GLE1: variants seen among roughly 807,000 people sequenced by gnomAD.
GLE1 encodes GLE1 RNA export mediator.
A neutral mutation model predicts 97.3 loss-of-function variants in GLE1; 78 were observed. The ratio of observed to expected loss-of-function variants is 0.80; its 90% confidence interval spans 0.67 to 0.97. GLE1 has a LOEUF of 0.97. Ranked by LOEUF, GLE1 falls within the 50% of genes least tolerant of loss-of-function variation. GLE1 has a pLI of 0.00. For synonymous variants in GLE1, 302 were observed against 313.4 expected, an observed-to-expected ratio of 0.96 and a Z score of 0.39; for missense variants, 753 against 857.5, an observed-to-expected ratio of 0.88 and a Z score of 1.52.
chr9:128,539,781 G>A, intron 14 of GLE1, 83 bp downstream of exon 14: 1 of 1,608,942 alleles, frequency 6.2e-7, no homozygotes, highest in Admixed American at 1.7e-5. Flanking sequence ...ATTACCTGCT[G>A]GTTTTGATTC....
Position 128,527,415 on chromosome 9 carries a change from G to A in GLE1, c.1243-41G>A, listed in dbSNP as rs534979986. The A allele has an allele frequency of 5.9e-4, 856 of 1,445,992 alleles. 12 individuals are homozygous for A. In the South Asian group the frequency reaches 9.4e-3, roughly 16 times the overall value. 89.6% of individuals were successfully genotyped at this position (1,445,992 alleles called of 1,614,324 possible). ...CCTGATTCTAAGTGACATCTACTCA[G>A]CTCTTCAGAACACTGCTTTCTCACT... On this transcript the variant is annotated intron_variant, in intron 8 of 15. Transcript: ENST00000309971.
chr9:128,511,433 T>C lies in GLE1; in HGVS notation c.321+2336T>C, dbSNP rs983581949. Among the ~76,000 whole-genome samples, 8 of 151,374 alleles carry C rather than the reference T, an allele frequency of 5.3e-5. No homozygotes were observed. In the East Asian group the frequency reaches 1.2e-3, roughly 22 times the overall value. On this transcript the variant is annotated intron_variant, in intron 2 of 15. Transcript: ENST00000309971. ...TTATATAAAAATTAACTTGGCCGGG[T>C]GCAGTGGCTCACGCCTGTAATCCCA...
In GLE1 at chr9:128,512,866, T is replaced by G. The variant is rs550210011; in HGVS notation, c.322-2663T>G. 2.6e-5 allele frequency among the ~76,000 whole-genome samples: 4 copies of G among 152,112 alleles called. No homozygotes were observed. The East Asian group carries it at 5.8e-4, about 22-fold the overall frequency. The stretch of plus-strand genomic sequence containing the variant: ...TAGAGACGGGGTTTCACCATGTTGG[T>G]CAGGCTAGGTGACCTCAGGTGATCC... On this transcript the variant is annotated intron_variant, in intron 2 of 15. Coordinates refer to ENST00000309971, the MANE Select transcript of GLE1 (RefSeq NM_001003722.2).
chr9:128,532,771 G>T, intron 9 of GLE1: 1 of 441,170 alleles, frequency 2.3e-6, no homozygotes, highest in African/African-American at 2.1e-5. Flanking sequence ...TTGACTGACT[G>T]GCTCAGCTTG....
intron 3 of GLE1, among the ~76,000 whole-genome samples, chr9:128,519,808 C>T (rs1461549176): frequency 1.3e-5 from 2 of 152,168 alleles, no homozygotes; most frequent in East Asian, 1.9e-4. Flanking sequence ...GCTGGTTTTA[C>T]GGCTTGTGGG....
chr9:128,530,489 C>T (rs1303675846), intron 9 of GLE1, among the ~76,000 whole-genome samples: 1 of 152,198 alleles, frequency 6.6e-6, no homozygotes, highest in African/African-American at 2.4e-5. Flanking sequence ...CTGACTCTCC[C>T]TTTGTCTCCA....
chr9:128,539,359 G>A (rs1589079614), intron 13 of GLE1, among the ~76,000 whole-genome samples: 1 of 152,194 alleles, frequency 6.6e-6, no homozygotes, highest in East Asian at 1.9e-4. Context: ...CCTTTAGGAA[G>A]GCGTCCATTC....
chr9:128,515,542 C>G lies in GLE1; in HGVS notation c.335C>G (p.Ser112Cys). 6.3e-7 allele frequency: 1 copy of G among 1,590,524 alleles called. No individual in the cohort carries two copies. The highest frequency in any genetic ancestry group is 1.1e-5 in the South Asian group (1 of 90,594). The stretch of plus-strand genomic sequence containing the variant: ...CTGCTCATATAGGGCAAAGATGAGT[C>G]CCAGCACACAGAATCTATGGTACTT... ...TPNGTKGKDE[S>C]QHTESMVLQS... is the part of the protein sequence containing the mutation. The change falls in exon 3 of 16, where the codon TCC (serine) becomes TGC (cysteine). Residue 112 changes from serine (S) to cysteine (C), a missense_variant. Ser to Cys is a moderately radical substitution (Grantham distance 112). Coordinates refer to ENST00000309971, the MANE Select transcript of GLE1 (RefSeq NM_001003722.2).
Position 128,522,793 on chromosome 9 carries a change from C to G in GLE1, c.558C>G (p.Asp186Glu), listed in dbSNP as rs534129844. 11 of 1,613,908 alleles carry G rather than the reference C, an allele frequency of 6.8e-6. No individual in the cohort carries two copies. The African/African-American group carries it at 1.5e-4, about 22-fold the overall frequency. Reference sequence around the variant, plus strand: ...TGAAGCAGCATAAAGAATTCCAGGACTTGCGGGAAGTAATGGAGAAGAGGT... The same window carrying G: ...TGAAGCAGCATAAAGAATTCCAGGAGTTGCGGGAAGTAATGGAGAAGAGGT... The part of the protein sequence containing the change: ...KELKQHKEFQ[D>E]LREVMEKSSR... Residue 186 changes from aspartate to glutamate, a missense_variant, in exon 4 of 16, where the codon GAC becomes GAG. Asp to Glu is a conservative substitution (Grantham distance 45). Coordinates refer to ENST00000309971, the MANE Select transcript of GLE1 (RefSeq NM_001003722.2).
At chr9:128,540,521 A>C (rs78781883) in intron 15 of GLE1, 183 bp downstream of exon 15, 2 of 638,694 alleles carry the variant, frequency 3.1e-6, no homozygotes, top group Non-Finnish European at 5.7e-6. Context: ...CCTCTTCTTT[A>C]TATGTATCAT....
At chr9:128,523,418 G>C in intron 5 of GLE1, 78 bp downstream of exon 5, 1 of 1,411,638 alleles carries the variant, frequency 7.1e-7, no homozygotes, top group Non-Finnish European at 1.0e-6. Context: ...TTTGGCAGAT[G>C]GCCACCATGG....
intron 3 of GLE1, among the ~76,000 whole-genome samples, chr9:128,518,971 A>G (rs1463833236): frequency 8.5e-5 from 13 of 152,142 alleles, no homozygotes; most frequent in Non-Finnish European, 1.6e-4. Flanking sequence ...TTTCATGGAC[A>G]TTTATTAGTT....
intron 6 of GLE1, 67 bp downstream of exon 6, chr9:128,523,913 T>G: frequency 6.5e-7 from 1 of 1,536,004 alleles, no homozygotes; most frequent in Non-Finnish European, 9.0e-7. Context: ...CAAAACTGTT[T>G]TCTGACTTAA....
intron 9 of GLE1, among the ~76,000 whole-genome samples, chr9:128,531,068 G>A (rs940980816): frequency 2.0e-5 from 3 of 151,708 alleles, no homozygotes; most frequent in African/African-American, 7.3e-5. Flanking sequence ...TACAAAATTA[G>A]CTGGGCATGG....
chr9:128,526,650 C>T (rs768864362), intron 7 of GLE1, among the ~76,000 whole-genome samples: 2 of 151,654 alleles, frequency 1.3e-5, no homozygotes, highest in Non-Finnish European at 2.9e-5. Context: ...TGAGCCACTG[C>T]GCCCAGCGTT....
At position 128,504,827 on chromosome 9, in the gene GLE1, T is replaced by A. The variant is rs1238979734; in HGVS notation, c.22T>A (p.Trp8Arg). The change falls in exon 1 of 16, where the codon TGG becomes AGG. Residue 8 changes from tryptophan (W) to arginine (R), a missense_variant. Trp to Arg is a moderately radical substitution (Grantham distance 101, BLOSUM62 -3). Coordinates refer to ENST00000309971, the MANE Select transcript of GLE1 (RefSeq NM_001003722.2). ...AACCATGCCGTCTGAGGGTCGCTGC[T>A]GGGAGACCTTGAAGGCCCTACGCAG... MPSEGRC[W>R]ETLKALRSSD... is the part of the protein sequence containing the mutation. 6.2e-7 allele frequency: 1 copy of A among 1,612,064 alleles called. No individual in the cohort carries two copies. Among genetic ancestry groups the A allele is most frequent in the Non-Finnish European group, 8.5e-7 (1 of 1,178,220 alleles).
At position 128,504,818 on chromosome 9, in the gene GLE1, G is replaced by A. The variant is rs1846592978; in HGVS notation, c.13G>A (p.Gly5Ser). MPSE[G>S]RCWETLKALR... is the part of the protein sequence containing the mutation. ...CCCTTAGCCAACCATGCCGTCTGAG[G>A]GTCGCTGCTGGGAGACCTTGAAGGC... is the stretch of plus-strand genomic sequence containing the variant. The change falls in exon 1 of 16, where the codon GGT becomes AGT. Residue 5 changes from glycine to serine, a missense_variant. Physicochemically the swap from Gly to Ser is moderately conservative, Grantham distance 56. Coordinates refer to ENST00000309971, the MANE Select transcript of GLE1 (RefSeq NM_001003722.2). 2 of 1,611,040 alleles carry A rather than the reference G, an allele frequency of 1.2e-6. No homozygotes were observed. The highest frequency in any genetic ancestry group is 8.5e-7 in the Non-Finnish European group (1 of 1,177,218).
intron 12 of GLE1, chr9:128,536,826 C>G (rs896067385): frequency 1.3e-5 from 4 of 298,228 alleles, no homozygotes; most frequent in African/African-American, 8.8e-5. Flanking sequence ...AGATCACATA[C>G]CTTACTTCAC....
chr9:128,520,359 T>G (rs1402565778), intron 3 of GLE1, among the ~76,000 whole-genome samples: 1 of 147,400 alleles, frequency 6.8e-6, no homozygotes, highest in African/African-American at 2.5e-5. Context: ...TATATGTATG[T>G]GTGTATATAT....
Sources: gnomAD v4.1 joint callset for allele counts (sites outside exome capture counted in the v4.1 genomes callset) on GRCh38, gnomAD v4.1.1 for gene constraint, MANE v1.5 for transcripts, NCBI Gene and HGNC (gene_info 2026-07-23, HGNC 2026-07-21) for gene names.